Variants in GPC5 observed in about 807,000 individuals in gnomAD.
The protein encoded by GPC5 is glypican 5.
A neutral mutation model predicts 53.9 loss-of-function variants in GPC5; 47 were observed. The observed-to-expected ratio is 0.87, with a 90% CI of 0.69 to 1.11. GPC5 has a LOEUF of 1.11. Among genes scored for constraint, GPC5 ranks in the 50% most tolerant of loss-of-function variants. The probability of loss-of-function intolerance (pLI) is 0.00; values close to 1 mark genes in which losing one functional copy is unlikely to be tolerated. For missense variants in GPC5, 748 were observed against 713.1 expected, an observed-to-expected ratio of 1.05 and a Z score of -0.56; for synonymous variants, 286 against 263.3, an observed-to-expected ratio of 1.09 and a Z score of -0.84.
At chr13:92,512,275 G>A (rs1479429055) in intron 7 of GPC5, among the ~76,000 whole-genome samples, 3 of 152,016 alleles carry the variant, frequency 2.0e-5, no homozygotes, top group East Asian at 3.9e-4. Context: ...TACGCTGTGT[G>A]CATGCACGCT....
At chr13:91,552,528 A>C (rs886070570) in intron 2 of GPC5, among the ~76,000 whole-genome samples, 1 of 152,072 alleles carries the variant, frequency 6.6e-6, no homozygotes, top group Admixed American at 6.6e-5. Context: ...ACAGCAAACC[A>C]GTCATTAGCA....
chr13:91,856,511 G>C lies in GPC5; in HGVS notation c.1281-51426G>C, dbSNP rs189454598. Among the ~76,000 whole-genome samples, 230 of 151,480 alleles carry C rather than the reference G, an allele frequency of 1.5e-3. 1 individual carries two copies. The Middle Eastern group carries it at 0.055, about 36-fold the overall frequency. ...TGTTGTCATTTTTTCAATTCTGCAA[G>C]TAGTAACTCTTTGTGGTTTTAATTT... On this transcript the variant is annotated intron_variant, in intron 5 of 7. Coordinates refer to ENST00000377067, the MANE Select transcript of GPC5 (RefSeq NM_004466.6).
intron 2 of GPC5, among the ~76,000 whole-genome samples, chr13:91,539,245 T>A (rs970536949): frequency 6.6e-6 from 1 of 152,122 alleles, no homozygotes; most frequent in Non-Finnish European, 1.5e-5. Flanking sequence ...AATAGGTGGA[T>A]TTGTGTGTGG....
chr13:91,720,623 C>A (rs2036443005), intron 3 of GPC5, among the ~76,000 whole-genome samples: 1 of 152,130 alleles, frequency 6.6e-6, no homozygotes. Flanking sequence ...CTTGCCTGAT[C>A]TCTCCCTTGA....
chr13:92,238,044 T>C (rs76559139), intron 7 of GPC5, among the ~76,000 whole-genome samples: 3,124 of 152,206 alleles, frequency 0.021, 52 homozygotes, highest in Middle Eastern at 0.041. Context: ...TTATAACACA[T>C]TTTGTTTATC....
At chr13:92,314,433 C>T (rs924950531) in intron 7 of GPC5, among the ~76,000 whole-genome samples, 1 of 152,176 alleles carries the variant, frequency 6.6e-6, no homozygotes, top group Non-Finnish European at 1.5e-5. Flanking sequence ...GTGTTAAATG[C>T]TTTCACATAT....
intron 7 of GPC5, among the ~76,000 whole-genome samples, chr13:92,606,940 G>A (rs1884279095): frequency 6.6e-6 from 1 of 152,062 alleles, no homozygotes; most frequent in Non-Finnish European, 1.5e-5. Flanking sequence ...TTTTGACTTT[G>A]GGAGGTTGTT....
In GPC5 at chr13:91,565,224, C is replaced by A. The variant is rs923977778; in HGVS notation, c.325+116302C>A. ...AGGCTGGTCTTGAACTCCTGATCTCCGGTTATCTGCCCACCTCTGCCTCCC... is the reference window on the plus strand; with the variant it reads ...AGGCTGGTCTTGAACTCCTGATCTCAGGTTATCTGCCCACCTCTGCCTCCC... On this transcript the variant is annotated intron_variant, in intron 2 of 7. Transcript: ENST00000377067. Among the ~76,000 whole-genome samples, 5 of 152,002 alleles carry A rather than the reference C, an allele frequency of 3.3e-5. No individual in the cohort carries two copies. The East Asian group carries it at 5.8e-4, about 18-fold the overall frequency.
At chr13:92,596,436 A>G (rs1353721636) in intron 7 of GPC5, among the ~76,000 whole-genome samples, 1 of 152,040 alleles carries the variant, frequency 6.6e-6, no homozygotes, top group East Asian at 1.9e-4. Context: ...CAAGGTTTAT[A>G]TATATACATA....
intron 7 of GPC5, among the ~76,000 whole-genome samples, chr13:92,725,049 T>C (rs1256937529): frequency 6.6e-6 from 1 of 151,618 alleles, no homozygotes; most frequent in Non-Finnish European, 1.5e-5. Flanking sequence ...ATACTTTGGA[T>C]AGAGTTTCAT....
chr13:92,155,301 A>G (rs920468236), intron 7 of GPC5, among the ~76,000 whole-genome samples: 3 of 152,102 alleles, frequency 2.0e-5, no homozygotes, highest in Admixed American at 6.5e-5. Context: ...CATTAGTGGC[A>G]AAAATTATAA....
intron 7 of GPC5, among the ~76,000 whole-genome samples, chr13:92,462,388 G>A (rs1878523063): frequency 6.6e-6 from 1 of 152,148 alleles, no homozygotes; most frequent in African/African-American, 2.4e-5. Flanking sequence ...TTTAAGGTTG[G>A]ATGAAGTGTG....
intron 7 of GPC5, among the ~76,000 whole-genome samples, chr13:92,160,744 G>A (rs1047777813): frequency 1.3e-5 from 2 of 152,128 alleles, no homozygotes; most frequent in Admixed American, 6.6e-5. Context: ...CAGAACAGGG[G>A]AAAAGTTGAG....
chr13:92,829,067 T>G (rs1180921289), intron 7 of GPC5, among the ~76,000 whole-genome samples: 1 of 152,146 alleles, frequency 6.6e-6, no homozygotes, highest in Non-Finnish European at 1.5e-5. Flanking sequence ...CAGAGCCACC[T>G]TCTCATACAG....
At chr13:92,731,551 G>C (rs1375001208) in intron 7 of GPC5, among the ~76,000 whole-genome samples, 2 of 151,370 alleles carry the variant, frequency 1.3e-5, no homozygotes, top group Non-Finnish European at 3.0e-5. Flanking sequence ...TTGAGGGCTT[G>C]AGTGTTCAAA....
intron 6 of GPC5, among the ~76,000 whole-genome samples, chr13:91,990,189 A>G (rs899220345): frequency 2.6e-5 from 4 of 152,220 alleles, no homozygotes; most frequent in Admixed American, 2.6e-4. Flanking sequence ...GTTGTACCAC[A>G]GGGACTACAA....
chr13:92,053,845 C>G (rs1476136687), intron 6 of GPC5, among the ~76,000 whole-genome samples: 1 of 151,798 alleles, frequency 6.6e-6, no homozygotes, highest in Non-Finnish European at 1.5e-5. Context: ...GCCTGGCCAA[C>G]ATGGTGAAAC....
intron 7 of GPC5, among the ~76,000 whole-genome samples, chr13:92,803,415 T>C (rs1876978869): frequency 6.6e-6 from 1 of 151,930 alleles, no homozygotes; most frequent in Non-Finnish European, 1.5e-5. Context: ...TTCTGTAAAA[T>C]TTTAATTTTG....
intron 3 of GPC5, among the ~76,000 whole-genome samples, chr13:91,697,782 G>A (rs1272836342): frequency 1.1e-4 from 16 of 151,694 alleles, no homozygotes; most frequent in Admixed American, 1.1e-3. Flanking sequence ...CTTATTAAAG[G>A]CATAAGAACA....
Sources: allele counts gnomAD v4.1 joint callset (sites outside exome capture counted in the v4.1 genomes callset), GRCh38; gene constraint gnomAD v4.1.1; transcripts MANE v1.5; gene names NCBI Gene and HGNC (gene_info 2026-07-23, HGNC 2026-07-21).